EXTL3: variants seen among roughly 807,000 people sequenced by gnomAD.
EXTL3 encodes the protein exostosin like glycosyltransferase 3, also known as exostosin-like 3.
A neutral mutation model predicts 69.3 loss-of-function variants in EXTL3; 27 were observed. The ratio of observed to expected loss-of-function variants is 0.39; its 90% confidence interval spans 0.29 to 0.54. The LOEUF (loss-of-function observed/expected upper bound fraction) is 0.54. Ranked by LOEUF, EXTL3 falls within the 20% of genes least tolerant of loss-of-function variation. The pLI, the probability that EXTL3 is intolerant of heterozygous loss-of-function variation, is 0.69. For missense variants in EXTL3, 1,003 were observed against 1,231.8 expected (o/e 0.81, Z 2.78); for synonymous variants, 511 against 499.4 (o/e 1.02, Z -0.31).
intron 1 of EXTL3, among the ~76,000 whole-genome samples, chr8:28,692,264 G>A (rs1019228652): frequency 1.3e-5 from 2 of 152,146 alleles, no homozygotes; most frequent in African/African-American, 2.4e-5. Flanking sequence ...GTAGAAATAT[G>A]GTCACATTTT....
intron 1 of EXTL3, among the ~76,000 whole-genome samples, chr8:28,637,643 A>AT (rs1806677702): frequency 7.0e-6 from 1 of 142,140 alleles, no homozygotes; most frequent in African/African-American, 2.4e-5. Flanking sequence ...GAAAAAAAAA[A>AT]CAATCAATCT....
In EXTL3 at chr8:28,750,888, A is replaced by G. The variant is rs1331742454; in HGVS notation, c.*22A>G. Reference sequence around the variant, plus strand: ...CTAGGGGCAGCGCACGGTCTGGGGAAGAGGATGAGCAGAGGGAGGAAGATG... The same window carrying G: ...CTAGGGGCAGCGCACGGTCTGGGGAGGAGGATGAGCAGAGGGAGGAAGATG... On this transcript the variant is annotated 3_prime_UTR_variant, in exon 7 of 7. Transcript: ENST00000220562. The surrounding 1 kb of genome is among the most constrained non-coding windows in gnomAD (Gnocchi z 5.2). The G allele has an allele frequency of 6.2e-7, 1 of 1,607,698 alleles. No individual in the cohort carries two copies. Among genetic ancestry groups the G allele is most frequent in the Admixed American group, 1.7e-5 (1 of 60,022 alleles).
chr8:28,640,428 A>G (rs1053204063), intron 1 of EXTL3, among the ~76,000 whole-genome samples: 1 of 152,138 alleles, frequency 6.6e-6, no homozygotes, highest in Non-Finnish European at 1.5e-5. Flanking sequence ...GCACTAATTC[A>G]CTTCATTTGA....
chr8:28,648,102 C>G (rs1455688274), intron 1 of EXTL3, among the ~76,000 whole-genome samples: 1 of 152,122 alleles, frequency 6.6e-6, no homozygotes, highest in East Asian at 1.9e-4. Context: ...TGGTCCAGCA[C>G]CTTTACTGTA....
intron 1 of EXTL3, among the ~76,000 whole-genome samples, chr8:28,690,415 C>T (rs1437732881): frequency 1.3e-5 from 2 of 151,928 alleles, no homozygotes; most frequent in African/African-American, 4.8e-5. Flanking sequence ...TTCATAGTTT[C>T]TGTAGGTTAG....
At chr8:28,699,792 T>A (rs1321531480), upstream of EXTL3, 1 of 152,206 alleles carries the variant, frequency 6.6e-6, no homozygotes, top group Non-Finnish European at 1.5e-5. Flanking sequence ...TAGGTATGAG[T>A]CACGGCGCCT....
At chr8:28,624,225 G>T (rs1435473841) in intron 1 of EXTL3, among the ~76,000 whole-genome samples, 1 of 152,134 alleles carries the variant, frequency 6.6e-6, no homozygotes. Context: ...ATTATGAATT[G>T]CCTATTACAT....
chr8:28,675,505 A>G (rs1361826198), intron 1 of EXTL3, among the ~76,000 whole-genome samples: 7 of 152,144 alleles, frequency 4.6e-5, no homozygotes, highest in African/African-American at 1.7e-4. Context: ...GTGCCCAGCT[A>G]CACTCTTCTA....
upstream of EXTL3, chr8:28,697,067 G>A (rs1441946295): frequency 1.3e-5 from 2 of 152,142 alleles, no homozygotes; most frequent in African/African-American, 4.8e-5. Context: ...TATGAATACT[G>A]TTATGCTTTT....
At position 28,717,611 on chromosome 8, in the gene EXTL3, A is replaced by G. The variant is rs1801190296; in HGVS notation, c.1552A>G (p.Thr518Ala). ...MRRQGRFLWE[T>A]YFSTADSIFN... ...GCGGCAAGGCCGCTTTCTCTGGGAG[A>G]CTTACTTCTCCACTGCTGACAGTAT... The change falls in exon 3 of 7, where the codon ACT becomes GCT. Residue 518 changes from threonine to alanine, a missense_variant. By Grantham distance (58) the Thr-to-Ala change is moderately conservative (BLOSUM62 0). This residue lies in a region of EXTL3 where 742 missense variants were observed against 815.4 expected (regional missense o/e 0.91). Coordinates refer to ENST00000220562, the MANE Select transcript of EXTL3 (RefSeq NM_001440.4). The surrounding 1 kb of genome is among the most constrained non-coding windows in gnomAD (Gnocchi z 8.3). 1 of 1,614,110 alleles carries G rather than the reference A, an allele frequency of 6.2e-7. No homozygotes were observed. The highest frequency in any genetic ancestry group is 8.5e-7 in the Non-Finnish European group (1 of 1,180,032).
At chr8:28,702,198 C>T (rs565205672) in intron 1 of EXTL3, among the ~76,000 whole-genome samples, 2 of 152,354 alleles carry the variant, frequency 1.3e-5, no homozygotes, top group East Asian at 3.9e-4. Context: ...GCTGCCCTCC[C>T]CGCTGGCTCT....
chr8:28,703,794 G>A (rs907448158), intron 1 of EXTL3, among the ~76,000 whole-genome samples: 2 of 152,148 alleles, frequency 1.3e-5, no homozygotes, highest in Non-Finnish European at 2.9e-5. Flanking sequence ...TACTCCATTC[G>A]CTGGTTATTA....
chr8:28,612,270 A>G (rs753076284), intron 2 of EXTL3, among the ~76,000 whole-genome samples: 7 of 152,172 alleles, frequency 4.6e-5, no homozygotes, highest in African/African-American at 2.4e-5. Flanking sequence ...CCTGGCCAAC[A>G]TGGCGAAACC....
At position 28,751,295 on chromosome 8, in the gene EXTL3, A is replaced by G; in HGVS notation, c.*429A>G. The G allele has an allele frequency of 5.5e-6, 1 of 180,656 alleles. No homozygotes were observed. The highest frequency in any genetic ancestry group is 1.2e-5 in the Non-Finnish European group (1 of 84,072). 11.2% of individuals were successfully genotyped at this position (180,656 alleles called of 1,614,324 possible). Reference sequence around the variant, plus strand: ...AATACATGCACACACTTGCATACATATATATTTTTGGCTGGGGGAGTGTGA... The same window carrying G: ...AATACATGCACACACTTGCATACATGTATATTTTTGGCTGGGGGAGTGTGA... On this transcript the variant is annotated 3_prime_UTR_variant, in exon 7 of 7. Coordinates refer to ENST00000220562, the MANE Select transcript of EXTL3 (RefSeq NM_001440.4).
chr8:28,746,627 T>C (rs1470548325), intron 6 of EXTL3, among the ~76,000 whole-genome samples: 1 of 152,224 alleles, frequency 6.6e-6, no homozygotes, highest in Admixed American at 6.5e-5. Context: ...TGTTTTATTA[T>C]GTAACACAGT....
At chr8:28,743,262 C>G (rs1801817095) in intron 6 of EXTL3, 48 bp downstream of exon 6, 1 of 1,612,148 alleles carries the variant, frequency 6.2e-7, no homozygotes, top group East Asian at 2.2e-5. Flanking sequence ...ATGTTTACTT[C>G]ACTTGTTTTG....
chr8:28,688,737 C>T (rs369658195), intron 1 of EXTL3, among the ~76,000 whole-genome samples: 13 of 152,212 alleles, frequency 8.5e-5, no homozygotes, highest in African/African-American at 1.9e-4. Context: ...GGGGGTAAAA[C>T]GCTATAGTAA....
intron 1 of EXTL3, among the ~76,000 whole-genome samples, chr8:28,689,314 C>T (rs969828208): frequency 2.6e-5 from 4 of 152,144 alleles, no homozygotes; most frequent in African/African-American, 7.2e-5. Context: ...AAACATTCTC[C>T]GGCTCCCCTA....
At chr8:28,677,642 G>A (rs1807409307) in intron 1 of EXTL3, among the ~76,000 whole-genome samples, 1 of 152,278 alleles carries the variant, frequency 6.6e-6, no homozygotes, top group African/African-American at 2.4e-5. Context: ...CAAAGACACA[G>A]CTCGCTCTCC....
Sources: gnomAD v4.1 joint callset for allele counts (sites outside exome capture counted in the v4.1 genomes callset) on GRCh38, gnomAD v4.1.1 for gene constraint, gnomAD v4.1.1 regional missense constraint, Gnocchi (gnomAD v3.1) non-coding constraint, MANE v1.5 for transcripts, NCBI Gene and HGNC (gene_info 2026-07-23, HGNC 2026-07-21) for gene names.